MMP16: variants seen among roughly 807,000 people sequenced by gnomAD.
The protein encoded by MMP16 is matrix metallopeptidase 16.
Under a neutral mutation model 67.8 loss-of-function variants are expected in MMP16, and 12 were observed. That is an observed-to-expected ratio of 0.18 (90% CI 0.11 to 0.29). The LOEUF (loss-of-function observed/expected upper bound fraction) is 0.29, where lower values mean the gene tolerates loss of function less well. MMP16 is among the 10% of genes least tolerant of loss of function. The pLI, the probability that MMP16 is intolerant of heterozygous loss-of-function variation, is 1.00. For synonymous variants in MMP16, 249 were observed against 255.9 expected (o/e 0.97, Z 0.26); for missense variants, 475 against 765.7 (o/e 0.62, Z 4.48).
At chr8:88,180,089 C>G (rs1221897649) in intron 3 of MMP16, among the ~76,000 whole-genome samples, 3 of 152,082 alleles carry the variant, frequency 2.0e-5, no homozygotes, top group Admixed American at 2.0e-4. Flanking sequence ...CGAGACCAGC[C>G]TGACCAACAT....
rs1383655373 is a variant in MMP16 at position 88,186,671 on chromosome 8, C to T, written c.282-73G>A. ...TACTAACAACCCTAATCATTAAATT[C>T]AAAAGAAAATCAATTAAGAGGTTAA... On this transcript the variant is annotated intron_variant, in intron 2 of 9. Coordinates refer to ENST00000286614, the MANE Select transcript of MMP16 (RefSeq NM_005941.5). 2.0e-6 allele frequency: 3 copies of T among 1,478,234 alleles called. No homozygotes were observed. In the Admixed American group the frequency reaches 6.8e-5, roughly 33 times the overall value. The allele number at this position is 1,478,234 out of a possible 1,614,324, so 91.6% of individuals were successfully genotyped here. A position where few individuals can be genotyped will look rare whatever the true frequency, so the allele number is the denominator to read the frequency against.
chr8:88,279,989 T>C (rs144064818), intron 1 of MMP16, among the ~76,000 whole-genome samples: 16 of 152,298 alleles, frequency 1.1e-4, no homozygotes, highest in African/African-American at 3.8e-4. Context: ...GAGGGGCAGA[T>C]GAACCCCAGT....
At chr8:88,233,507 C>T (rs1015679138) in intron 1 of MMP16, among the ~76,000 whole-genome samples, 25 of 152,168 alleles carry the variant, frequency 1.6e-4, no homozygotes, top group Non-Finnish European at 3.4e-4. Context: ...CAGTTCAGTT[C>T]CTTGATGGTC....
chr8:88,134,065 T>G (rs575910883), intron 4 of MMP16, among the ~76,000 whole-genome samples: 93 of 151,886 alleles, frequency 6.1e-4, no homozygotes, highest in African/African-American at 2.1e-3. Context: ...AGGAAGACAC[T>G]CCTGTAGAGA....
At chr8:88,149,030 G>T (rs963411986) in intron 4 of MMP16, among the ~76,000 whole-genome samples, 2 of 152,206 alleles carry the variant, frequency 1.3e-5, no homozygotes, top group African/African-American at 4.8e-5. Context: ...AAAGCAGGGC[G>T]AGGCATTGCC....
intron 6 of MMP16, among the ~76,000 whole-genome samples, chr8:88,104,091 T>G (rs1370941190): frequency 6.6e-6 from 1 of 151,800 alleles, no homozygotes; most frequent in African/African-American, 2.4e-5. Context: ...ACTTAATATA[T>G]TACAGTCTTC....
In MMP16 at chr8:88,079,406, T is replaced by C. The variant is rs532320666; in HGVS notation, c.1084-4663A>G. Among the ~76,000 whole-genome samples the C allele has an allele frequency of 8.5e-5, 13 of 152,316 alleles. No homozygotes were observed. In the South Asian group the frequency reaches 2.5e-3, roughly 29 times the overall value. ...TGTGCCTACTTTATAAGTTAAACTTTATCATAGGTTTGTGTATGTATAGGT... is the reference window on the plus strand; with the variant it reads ...TGTGCCTACTTTATAAGTTAAACTTCATCATAGGTTTGTGTATGTATAGGT... On this transcript the variant is annotated intron_variant, in intron 6 of 9. Coordinates refer to ENST00000286614, the MANE Select transcript of MMP16 (RefSeq NM_005941.5).
intron 1 of MMP16, among the ~76,000 whole-genome samples, chr8:88,200,079 G>A (rs1265651092): frequency 6.6e-6 from 1 of 151,922 alleles, no homozygotes; most frequent in East Asian, 1.9e-4. Context: ...ACTACCCTGA[G>A]TTCTTAAAAT....
At chr8:88,072,136 G>A (rs1359808374) in intron 7 of MMP16, among the ~76,000 whole-genome samples, 2 of 152,078 alleles carry the variant, frequency 1.3e-5, no homozygotes, top group Non-Finnish European at 2.9e-5. Context: ...AGCAAAATGG[G>A]GTGACCACGT....
At chr8:88,107,901 ATTAACT>A (rs1206063153) in intron 6 of MMP16, among the ~76,000 whole-genome samples, 12 of 151,274 alleles carry the variant, frequency 7.9e-5, no homozygotes, top group Non-Finnish European at 1.3e-4. Flanking sequence ...ATGAAAACTA[ATTAACT>A]TTAATGTCTC....
At chr8:88,192,599 A>G (rs1317471087) in intron 2 of MMP16, among the ~76,000 whole-genome samples, 1 of 152,212 alleles carries the variant, frequency 6.6e-6, no homozygotes, top group Non-Finnish European at 1.5e-5. Context: ...ACATCAATTG[A>G]TTAAGAACAT....
At chr8:88,246,543 C>T (rs897008100) in intron 1 of MMP16, among the ~76,000 whole-genome samples, 1 of 152,070 alleles carries the variant, frequency 6.6e-6, no homozygotes, top group Non-Finnish European at 1.5e-5. Context: ...AAGACATATA[C>T]AAAAATATAC....
chr8:88,240,138 G>A (rs1224677585), intron 1 of MMP16, among the ~76,000 whole-genome samples: 1 of 152,110 alleles, frequency 6.6e-6, no homozygotes, highest in Non-Finnish European at 1.5e-5. Flanking sequence ...GTTGAATGAG[G>A]AGCACAGGAA....
chr8:88,297,741 C>A (rs1286679546), intron 1 of MMP16, among the ~76,000 whole-genome samples: 3 of 152,162 alleles, frequency 2.0e-5, no homozygotes, highest in East Asian at 3.9e-4. Flanking sequence ...CTTTAGTTAG[C>A]CAAGTTTCTC....
chr8:88,160,384 G>T (rs1468500144), intron 4 of MMP16, among the ~76,000 whole-genome samples: 1 of 151,812 alleles, frequency 6.6e-6, no homozygotes, highest in Non-Finnish European at 1.5e-5. Flanking sequence ...TTGGACATTT[G>T]GGTTGGTTCC....
intron 1 of MMP16, among the ~76,000 whole-genome samples, chr8:88,289,350 A>C (rs938175398): frequency 2.0e-5 from 3 of 152,176 alleles, no homozygotes; most frequent in Non-Finnish European, 2.9e-5. Context: ...GAGAAAAAGG[A>C]ACATTTTAAA....
At position 88,051,607 on chromosome 8, in the gene MMP16, T is replaced by G. The variant is rs185888400; in HGVS notation, c.1373+4521A>C. 1.5e-4 allele frequency among the ~76,000 whole-genome samples: 23 copies of G among 152,304 alleles called. No homozygotes were observed. In the East Asian group the frequency reaches 4.2e-3, roughly 28 times the overall value. ...ATCAATATATCAGTTTTTGCTGTATTTTTGAACGACTCAAAAACATATACA... is the reference window on the plus strand; with the variant it reads ...ATCAATATATCAGTTTTTGCTGTATGTTTGAACGACTCAAAAACATATACA... On this transcript the variant is annotated intron_variant, in intron 8 of 9. Transcript: ENST00000286614.
chr8:88,132,298 G>A (rs549580697), intron 4 of MMP16, among the ~76,000 whole-genome samples: 8 of 151,972 alleles, frequency 5.3e-5, no homozygotes, highest in African/African-American at 1.9e-4. Context: ...CTTCAAGAAT[G>A]ATAATATTGT....
intron 1 of MMP16, among the ~76,000 whole-genome samples, chr8:88,230,343 T>C (rs138989852): frequency 2.4e-3 from 371 of 152,206 alleles, no homozygotes; most frequent in African/African-American, 7.9e-3. Context: ...AAACAAAATA[T>C]AGCGAAAACC....
Sources: allele counts gnomAD v4.1 joint callset (sites outside exome capture counted in the v4.1 genomes callset), GRCh38; gene constraint gnomAD v4.1.1; transcripts MANE v1.5; gene names NCBI Gene and HGNC (gene_info 2026-07-23, HGNC 2026-07-21).